The following DYM variants were observed in gnomAD, a reference collection of about 807,000 sequenced individuals.
DYM encodes dymeclin, also known as dyggve-Melchior-Clausen syndrome protein.
Under a neutral mutation model 93.1 loss-of-function variants are expected in DYM, and 78 were observed. The observed-to-expected ratio is 0.84, with a 90% CI of 0.70 to 1.01. The LOEUF (loss-of-function observed/expected upper bound fraction) is 1.01, where lower values mean the gene tolerates loss of function less well. Among genes scored for constraint, DYM ranks in the 50% least tolerant of loss-of-function variants. The pLI, the probability that DYM is intolerant of heterozygous loss-of-function variation, is 0.00. For synonymous variants in DYM, 321 were observed against 319.7 expected, an observed-to-expected ratio of 1.00 and a Z score of -0.04; for missense variants, 789 against 845.0, an observed-to-expected ratio of 0.93 and a Z score of 0.82.
At chr18:49,264,179 T>C (rs1367208635) in intron 11 of DYM, among the ~76,000 whole-genome samples, 1 of 151,648 alleles carries the variant, frequency 6.6e-6, no homozygotes, top group African/African-American at 2.4e-5. Context: ...CAATATTTCA[T>C]TTACGTAATC....
At chr18:49,246,128 T>A (rs2094159347) in intron 13 of DYM, among the ~76,000 whole-genome samples, 1 of 152,170 alleles carries the variant, frequency 6.6e-6, no homozygotes, top group Admixed American at 6.5e-5. Context: ...CTCGGAAAAC[T>A]CACAATACTT....
Position 49,264,084 on chromosome 18 carries a change from G to A in DYM, c.1252-5591C>T, listed in dbSNP as rs558533852. On this transcript the variant is annotated intron_variant, in intron 11 of 17. Transcript: ENST00000675505. ...CCTCCCCAGAGGCAGCCACTATCCT[G>A]AAATTGGATGGGCGTTGTTTTTTTT... Among the ~76,000 whole-genome samples the A allele has an allele frequency of 1.2e-4, 17 of 145,764 alleles. No homozygotes were observed. In the Admixed American group the frequency reaches 1.2e-3, roughly 10 times the overall value.
intron 12 of DYM, 97 bp from the exon 13 acceptor site, chr18:49,257,201 C>A: frequency 1.1e-6 from 1 of 934,964 alleles, no homozygotes; most frequent in South Asian, 1.4e-5. Context: ...ACTCAGTTGT[C>A]ACTGATTTTA....
intron 2 of DYM, among the ~76,000 whole-genome samples, chr18:49,415,428 CT>C (rs527660269): frequency 0.018 from 2,511 of 136,276 alleles, 50 homozygotes; most frequent in African/African-American, 0.054. Context: ...TTATTTTTAT[CT>C]TTTTTTTTTT....
intron 16 of DYM, among the ~76,000 whole-genome samples, chr18:49,110,925 TCTA>T (rs2081328005): frequency 6.6e-6 from 1 of 152,338 alleles, no homozygotes; most frequent in African/African-American, 2.4e-5. Flanking sequence ...TTGCATAATT[TCTA>T]CTGACCTATC....
At chr18:49,296,924 A>C (rs2060603062) in intron 8 of DYM, among the ~76,000 whole-genome samples, 1 of 152,084 alleles carries the variant, frequency 6.6e-6, no homozygotes, top group East Asian at 1.9e-4. Context: ...CTTCCTGTAG[A>C]CTCCTTGAAG....
intron 6 of DYM, among the ~76,000 whole-genome samples, chr18:49,337,295 T>C (rs1298535114): frequency 6.6e-6 from 1 of 152,236 alleles, no homozygotes; most frequent in Non-Finnish European, 1.5e-5. Context: ...TGATTTTGCC[T>C]GACCAACATC....
chr18:49,308,036 T>C (rs1286081006), intron 8 of DYM, among the ~76,000 whole-genome samples: 1 of 152,158 alleles, frequency 6.6e-6, no homozygotes, highest in Non-Finnish European at 1.5e-5. Flanking sequence ...CTTAATATTC[T>C]CTAATGACAA....
intron 1 of DYM, among the ~76,000 whole-genome samples, chr18:49,451,629 T>C (rs1356235618): frequency 6.6e-6 from 1 of 152,226 alleles, no homozygotes; most frequent in East Asian, 1.9e-4. Flanking sequence ...CAGAGTTCCA[T>C]CGAAGCCAAT....
chr18:49,251,810 CT>C (rs1013010535), intron 13 of DYM, among the ~76,000 whole-genome samples: 2 of 152,072 alleles, frequency 1.3e-5, no homozygotes, highest in African/African-American at 4.8e-5. Context: ...GCTTCAGAGG[CT>C]ATGTGCTTAT....
chr18:49,415,701 G>A (rs1035245369), intron 2 of DYM, among the ~76,000 whole-genome samples: 9 of 152,146 alleles, frequency 5.9e-5, no homozygotes, highest in Middle Eastern at 3.4e-3. Context: ...GCTGATGTGG[G>A]TGGATTGCTT....
intron 13 of DYM, among the ~76,000 whole-genome samples, chr18:49,215,421 C>G (rs2092986338): frequency 6.6e-6 from 1 of 152,162 alleles, no homozygotes; most frequent in African/African-American, 2.4e-5. Context: ...AGAATAAAAA[C>G]CCAGACAAAA....
At chr18:49,307,108 A>T (rs2061320934) in intron 8 of DYM, among the ~76,000 whole-genome samples, 1 of 151,980 alleles carries the variant, frequency 6.6e-6, no homozygotes, top group Non-Finnish European at 1.5e-5. Flanking sequence ...TTCTGCAAAT[A>T]ATTCAATCTA....
intron 8 of DYM, among the ~76,000 whole-genome samples, chr18:49,308,530 G>A (rs903557041): frequency 2.6e-5 from 4 of 152,100 alleles, no homozygotes; most frequent in Non-Finnish European, 5.9e-5. Context: ...GTGCACCTTC[G>A]TGAGAATTAT....
intron 1 of DYM, among the ~76,000 whole-genome samples, chr18:49,448,967 G>A (rs2082315069): frequency 6.6e-6 from 1 of 152,126 alleles, no homozygotes; most frequent in African/African-American, 2.4e-5. Context: ...ATCATCTGAG[G>A]CAGCTATTGG....
At chr18:49,189,003 C>T (rs756812898) in intron 14 of DYM, among the ~76,000 whole-genome samples, 25 of 152,142 alleles carry the variant, frequency 1.6e-4, no homozygotes, top group Non-Finnish European at 3.4e-4. Flanking sequence ...CAGCCATAAA[C>T]AAGAACAAAA....
At chr18:49,291,132 A>G (rs769613269) in intron 8 of DYM, among the ~76,000 whole-genome samples, 5 of 152,156 alleles carry the variant, frequency 3.3e-5, no homozygotes, top group Non-Finnish European at 7.4e-5. Context: ...ATTTTTTATT[A>G]CTTATTATAA....
chr18:49,254,727 A>G (rs944007460), intron 13 of DYM, among the ~76,000 whole-genome samples: 2 of 152,218 alleles, frequency 1.3e-5, no homozygotes, highest in Admixed American at 6.5e-5. Context: ...TGGCATTTTC[A>G]TATCAAACAA....
chr18:49,297,147 A>G (rs2060616207), intron 8 of DYM, among the ~76,000 whole-genome samples: 1 of 152,204 alleles, frequency 6.6e-6, no homozygotes, highest in Non-Finnish European at 1.5e-5. Flanking sequence ...TTAAGTTGTA[A>G]TACTTTAACA....
Sources: allele counts gnomAD v4.1 joint callset (sites outside exome capture counted in the v4.1 genomes callset), GRCh38; gene constraint gnomAD v4.1.1; transcripts MANE v1.5; gene names NCBI Gene and HGNC (gene_info 2026-07-23, HGNC 2026-07-21).